The following ARSG variants were observed in gnomAD, a reference collection of about 807,000 sequenced individuals.
The protein encoded by ARSG is ASG.
A neutral mutation model predicts 50.5 loss-of-function variants in ARSG; 37 were observed. The ratio of observed to expected loss-of-function variants is 0.73; its 90% CI spans 0.56 to 0.96. The LOEUF (loss-of-function observed/expected upper bound fraction) is 0.96. ARSG is among the 50% of genes least tolerant of loss of function. ARSG has a pLI of 0.00. For synonymous variants in ARSG, 225 were observed against 254.6 expected (o/e 0.88, Z 1.11); for missense variants, 629 against 675.3 (o/e 0.93, Z 0.76).
At chr17:68,409,730 G>A (rs1421985361) in intron 11 of ARSG, among the ~76,000 whole-genome samples, 3 of 150,104 alleles carry the variant, frequency 2.0e-5, no homozygotes, top group African/African-American at 7.4e-5. Context: ...CCATTTTCAC[G>A]ATATTGATTC....
chr17:68,291,039 A>T (rs1202761403), upstream of ARSG: 1 of 152,328 alleles, frequency 6.6e-6, no homozygotes, highest in Non-Finnish European at 1.5e-5. Flanking sequence ...AACAACCCAC[A>T]TCCCACAATC....
rs1260470325 is a variant in ARSG at position 68,420,462 on chromosome 17, AACAG to A, written c.*2_*5del. On this transcript the variant is annotated stop_retained_variant and 3_prime_UTR_variant, in exon 12 of 12. Transcript: ENST00000621439. ...ATTGCCTGCCGCTGTCAAGCCGCAT[AACAG>A]ACCAATTTTTATTCCACGAGGAGGA... The A allele has an allele frequency of 3.1e-6, 5 of 1,607,106 alleles. No homozygotes were observed. The highest frequency in any genetic ancestry group is 4.3e-6 in the Non-Finnish European group (5 of 1,174,838).
the ARSG span, among the ~76,000 whole-genome samples, chr17:68,440,317 A>G: frequency 6.6e-6 from 1 of 152,364 alleles, no homozygotes; most frequent in East Asian, 1.9e-4. Flanking sequence ...GTATCTTGGG[A>G]ACCACCCAAG....
chr17:68,289,746 GC>G (rs1204402861), upstream of ARSG, among the ~76,000 whole-genome samples: 1 of 152,160 alleles, frequency 6.6e-6, no homozygotes, highest in East Asian at 1.9e-4. Flanking sequence ...TGAAACCTGA[GC>G]CCCTAATTTA....
At chr17:68,406,323 A>C (rs2147286425) in intron 11 of ARSG, among the ~76,000 whole-genome samples, 1 of 152,308 alleles carries the variant, frequency 6.6e-6, no homozygotes, top group South Asian at 2.1e-4. Flanking sequence ...ACATTTTTGC[A>C]ATTGCAAATT....
chr17:68,262,677 A>G (rs112251571), intron 1 of ARSG, among the ~76,000 whole-genome samples: 28,823 of 152,056 alleles, frequency 0.19, 2,789 homozygotes, highest in Middle Eastern at 0.3. Context: ...CAGCTAGAAG[A>G]CTACTGTAAT....
At chr17:68,439,648 T>C in the ARSG span, among the ~76,000 whole-genome samples, 1 of 152,236 alleles carries the variant, frequency 6.6e-6, no homozygotes, top group African/African-American at 2.4e-5. Flanking sequence ...AAAAAAGATT[T>C]TCAAATTTTA....
At chr17:68,379,821 G>A (rs1384241705) in intron 8 of ARSG, 8 of 985,276 alleles carry the variant, frequency 8.1e-6, no homozygotes, top group Non-Finnish European at 9.6e-6. Flanking sequence ...CGGAGGTTGT[G>A]ATCTCTGCTA....
chr17:68,297,588 T>C (rs1045261242), intron 1 of ARSG, among the ~76,000 whole-genome samples: 44 of 152,324 alleles, frequency 2.9e-4, no homozygotes, highest in African/African-American at 1.0e-3. Context: ...GATTTTGCCA[T>C]CTATACTCAG....
intron 10 of ARSG, among the ~76,000 whole-genome samples, chr17:68,395,767 G>A (rs1399566840): frequency 1.3e-5 from 2 of 152,090 alleles, no homozygotes; most frequent in Non-Finnish European, 2.9e-5. Flanking sequence ...TGTTTATTGT[G>A]AGCCTCACCC....
At chr17:68,387,631 C>T (rs8079443) in intron 9 of ARSG, among the ~76,000 whole-genome samples, 25,407 of 152,106 alleles carry the variant, frequency 0.17, 4,200 homozygotes, top group African/African-American at 0.4. Flanking sequence ...GTACTATGAT[C>T]CAAATTCAAG....
chr17:68,309,656 C>T (rs1473396430), intron 2 of ARSG, among the ~76,000 whole-genome samples: 3 of 151,934 alleles, frequency 2.0e-5, no homozygotes, highest in African/African-American at 4.8e-5. Context: ...GTCAAGAGTT[C>T]GAGACTAGCC....
At chr17:68,442,073 T>C in the ARSG span, among the ~76,000 whole-genome samples, 2 of 152,216 alleles carry the variant, frequency 1.3e-5, no homozygotes, top group Non-Finnish European at 2.9e-5. Flanking sequence ...AGCCCTGCAC[T>C]TTTAAACCTT....
intron 11 of ARSG, among the ~76,000 whole-genome samples, chr17:68,412,576 G>C (rs1435481341): frequency 6.6e-6 from 1 of 151,996 alleles, no homozygotes; most frequent in Non-Finnish European, 1.5e-5. Flanking sequence ...TTTCAACTTT[G>C]GTGAATCTGA....
chr17:68,421,921 A>G, downstream of ARSG: 2 of 1,490,236 alleles, frequency 1.3e-6, no homozygotes, highest in Admixed American at 3.3e-5. Flanking sequence ...GAGCAGGGAG[A>G]GGCTGGGCAC....
the ARSG span, among the ~76,000 whole-genome samples, chr17:68,438,023 AGTATAAG>A: frequency 6.7e-6 from 1 of 149,502 alleles, no homozygotes; most frequent in Non-Finnish European, 1.5e-5. Context: ...TTCTTCTAAA[AGTATAAG>A]AAAAAACTTT....
chr17:68,303,384 C>T (rs2076491816), intron 1 of ARSG, among the ~76,000 whole-genome samples: 1 of 152,168 alleles, frequency 6.6e-6, no homozygotes, highest in South Asian at 2.1e-4. Flanking sequence ...CCTTGCCTCC[C>T]AAAGTGCTGG....
At chr17:68,407,247 G>A (rs1251901500) in intron 11 of ARSG, among the ~76,000 whole-genome samples, 1 of 152,174 alleles carries the variant, frequency 6.6e-6, no homozygotes, top group Admixed American at 6.6e-5. Flanking sequence ...TTTTATACCA[G>A]TACTATGCTG....
At chr17:68,288,729 G>A (rs1465674664), upstream of ARSG, among the ~76,000 whole-genome samples, 3 of 152,088 alleles carry the variant, frequency 2.0e-5, no homozygotes, top group Non-Finnish European at 4.4e-5. Flanking sequence ...ATCCTTCTAA[G>A]CCCTTTGAAG....
Sources: allele counts gnomAD v4.1 joint callset (sites outside exome capture counted in the v4.1 genomes callset), GRCh38; gene constraint gnomAD v4.1.1; transcripts MANE v1.5; gene names NCBI Gene and HGNC (gene_info 2026-07-23, HGNC 2026-07-21).